The following MGAT4C variants were observed in gnomAD, a reference collection of about 807,000 sequenced individuals.
MGAT4C encodes alpha-1,3-mannosyl-glycoprotein 4-beta-N-acetylglucosaminyltransferase C.
MGAT4C carries 19 observed loss-of-function variants against 40.1 expected under a neutral mutation model. The observed-to-expected ratio is 0.47, with a 90% CI of 0.33 to 0.70. The LOEUF (loss-of-function observed/expected upper bound fraction) is 0.70, where lower values mean the gene tolerates loss of function less well. MGAT4C is among the 30% of genes least tolerant of loss of function. MGAT4C has a pLI of 0.02. For missense variants in MGAT4C, 491 were observed against 563.2 expected (o/e 0.87, Z 1.30); for synonymous variants, 181 against 187.1 (o/e 0.97, Z 0.27).
intron 1 of MGAT4C, among the ~76,000 whole-genome samples, chr12:86,252,426 T>C (rs1952333743): frequency 6.6e-6 from 1 of 152,044 alleles, no homozygotes; most frequent in Non-Finnish European, 1.5e-5. Context: ...TAAATGATAC[T>C]ATCTAAAAAC....
intron 2 of MGAT4C, among the ~76,000 whole-genome samples, chr12:86,645,608 T>C (rs907221534): frequency 2.0e-5 from 3 of 151,806 alleles, no homozygotes; most frequent in Admixed American, 6.6e-5. Context: ...TTAGCAAGTT[T>C]TTAAGGTATT....
chr12:86,438,110 C>A (rs1957168814), intron 2 of MGAT4C, among the ~76,000 whole-genome samples: 1 of 151,844 alleles, frequency 6.6e-6, no homozygotes, highest in Non-Finnish European at 1.5e-5. Flanking sequence ...AACAGTTAGG[C>A]AAGTTGTGAA....
At chr12:86,134,540 C>A (rs1881684564) in intron 1 of MGAT4C, among the ~76,000 whole-genome samples, 1 of 152,108 alleles carries the variant, frequency 6.6e-6, no homozygotes, top group Admixed American at 6.5e-5. Context: ...TGCCTGATAG[C>A]AGCATAACCC....
chr12:86,773,028 G>T (rs546529917), intron 1 of MGAT4C, among the ~76,000 whole-genome samples: 3 of 152,108 alleles, frequency 2.0e-5, no homozygotes, highest in Non-Finnish European at 4.4e-5. Context: ...ATACATTTGT[G>T]GGGGGCAGAG....
At chr12:86,112,447 C>A (rs1472820238) in intron 1 of MGAT4C, among the ~76,000 whole-genome samples, 1 of 151,678 alleles carries the variant, frequency 6.6e-6, no homozygotes, top group Non-Finnish European at 1.5e-5. Context: ...TGGCAGACAG[C>A]ATTGCCCCCT....
intron 1 of MGAT4C, among the ~76,000 whole-genome samples, chr12:86,219,863 T>A (rs1421744517): frequency 1.3e-5 from 2 of 152,212 alleles, no homozygotes; most frequent in East Asian, 3.9e-4. Flanking sequence ...TATGCTCTTA[T>A]GAACTCTGAC....
chr12:86,119,035 A>G (rs1447821628), intron 1 of MGAT4C, among the ~76,000 whole-genome samples: 1 of 152,136 alleles, frequency 6.6e-6, no homozygotes, highest in Non-Finnish European at 1.5e-5. Context: ...TTATCACATT[A>G]AAAAATCACA....
intron 1 of MGAT4C, among the ~76,000 whole-genome samples, chr12:86,196,121 G>T (rs1001186324): frequency 6.6e-6 from 1 of 152,136 alleles, no homozygotes; most frequent in African/African-American, 2.4e-5. Context: ...AGATTAAGGT[G>T]CCAGCAAGGT....
intron 2 of MGAT4C, among the ~76,000 whole-genome samples, chr12:86,721,684 G>T (rs184250418): frequency 1.5e-4 from 23 of 152,164 alleles, no homozygotes; most frequent in Non-Finnish European, 3.1e-4. Context: ...ATTCTATGGG[G>T]TGGTTTATTC....
intron 2 of MGAT4C, among the ~76,000 whole-genome samples, chr12:86,696,353 C>A (rs1950258642): frequency 1.3e-5 from 2 of 152,034 alleles, no homozygotes; most frequent in Non-Finnish European, 2.9e-5. Flanking sequence ...ACCACATACC[C>A]ACAAAAATTA....
chr12:86,213,182 T>C (rs1378752835), intron 1 of MGAT4C, among the ~76,000 whole-genome samples: 1 of 152,192 alleles, frequency 6.6e-6, no homozygotes, highest in African/African-American at 2.4e-5. Context: ...GATTTCCTGA[T>C]AACTTTGCTT....
chr12:86,725,424 G>A (rs1950804863), intron 2 of MGAT4C, among the ~76,000 whole-genome samples: 1 of 152,086 alleles, frequency 6.6e-6, no homozygotes, highest in Non-Finnish European at 1.5e-5. Context: ...GATAAACACG[G>A]AGGCTAAAAC....
In MGAT4C at chr12:86,356,680, C is replaced by T. The variant is rs1232363411; in HGVS notation, c.-119-22553G>A. On this transcript the variant is annotated intron_variant, in intron 3 of 7. Coordinates refer to the MGAT4C transcript ENST00000548651. The stretch of plus-strand genomic sequence containing the variant: ...TGGCACACCAGGAGATTATATCCCG[C>T]GTCTGGCTCAGAGGGTCTTACACCC... Among the ~76,000 whole-genome samples, 3 of 152,164 alleles carry T rather than the reference C, an allele frequency of 2.0e-5. No homozygotes were observed. In the East Asian group the frequency reaches 5.8e-4, roughly 29 times the overall value.
At chr12:86,335,704 G>A (rs1366269794) in intron 3 of MGAT4C, among the ~76,000 whole-genome samples, 1 of 151,986 alleles carries the variant, frequency 6.6e-6, no homozygotes, top group African/African-American at 2.4e-5. Context: ...TCTTGTTCCA[G>A]GTTTCTTTGC....
At chr12:86,098,315 A>G (rs576092228) in intron 1 of MGAT4C, among the ~76,000 whole-genome samples, 19 of 151,426 alleles carry the variant, frequency 1.3e-4, no homozygotes, top group African/African-American at 4.6e-4. Context: ...GTAATTTGTT[A>G]TTTTGTTTCT....
At chr12:86,566,326 C>T (rs547502692) in intron 2 of MGAT4C, among the ~76,000 whole-genome samples, 11 of 151,410 alleles carry the variant, frequency 7.3e-5, no homozygotes, top group Non-Finnish European at 1.0e-4. Flanking sequence ...AGTATAAAAG[C>T]AAGCAGCAAA....
At chr12:86,214,176 T>A (rs1950584605) in intron 1 of MGAT4C, among the ~76,000 whole-genome samples, 1 of 152,186 alleles carries the variant, frequency 6.6e-6, no homozygotes. Flanking sequence ...TTTCTGTACT[T>A]CTCCAGGCTT....
At chr12:86,058,268 T>C (rs1893594878) in intron 1 of MGAT4C, among the ~76,000 whole-genome samples, 1 of 152,034 alleles carries the variant, frequency 6.6e-6, no homozygotes, top group Non-Finnish European at 1.5e-5. Flanking sequence ...AAGATGACAG[T>C]TTTCTTTCTG....
At chr12:86,398,983 A>T (rs957577077) in intron 3 of MGAT4C, among the ~76,000 whole-genome samples, 2 of 151,828 alleles carry the variant, frequency 1.3e-5, no homozygotes, top group South Asian at 2.1e-4. Context: ...TTATTTATTT[A>T]TTTTTTGAGA....
Sources: allele counts gnomAD v4.1 joint callset (sites outside exome capture counted in the v4.1 genomes callset), GRCh38; gene constraint gnomAD v4.1.1; transcripts MANE v1.5; gene names NCBI Gene and HGNC (gene_info 2026-07-23, HGNC 2026-07-21).